GTF3C2: variants seen among roughly 807,000 people sequenced by gnomAD.
GTF3C2 encodes the protein general transcription factor 3C polypeptide 2.
A neutral mutation model predicts 117.4 loss-of-function variants in GTF3C2; 17 were observed. That is an observed-to-expected ratio of 0.14 (90% CI 0.10 to 0.22). The LOEUF is 0.22. GTF3C2 is among the 10% of genes least tolerant of loss of function. The probability of loss-of-function intolerance (pLI) is 1.00; values close to 1 mark genes in which losing one functional copy is unlikely to be tolerated. For synonymous variants in GTF3C2, 437 were observed against 427.0 expected, an observed-to-expected ratio of 1.02 and a Z score of -0.29; for missense variants, 888 against 1,143.6, an observed-to-expected ratio of 0.78 and a Z score of 3.22.
chr2:27,330,459 C>T (rs992854039), intron 12 of GTF3C2, among the ~76,000 whole-genome samples: 4 of 150,334 alleles, frequency 2.7e-5, no homozygotes, highest in African/African-American at 9.8e-5. Flanking sequence ...GAGACTCCAC[C>T]TCAAAAAAAA....
intron 1 of GTF3C2, among the ~76,000 whole-genome samples, chr2:27,353,152 T>G (rs191165450): frequency 6.6e-6 from 1 of 152,276 alleles, no homozygotes; most frequent in South Asian, 2.1e-4. Flanking sequence ...CTCAGCACTT[T>G]GGGAGACTGA....
intron 1 of GTF3C2, among the ~76,000 whole-genome samples, chr2:27,348,479 A>C (rs1680998614): frequency 6.6e-6 from 1 of 152,112 alleles, no homozygotes; most frequent in South Asian, 2.1e-4. Context: ...GTATCATAAC[A>C]ATAAACACAT....
intron 1 of GTF3C2, among the ~76,000 whole-genome samples, chr2:27,353,461 CAG>C (rs1681210613): frequency 6.6e-6 from 1 of 151,424 alleles, no homozygotes; most frequent in Admixed American, 6.6e-5. Flanking sequence ...TTTTTTGAGA[CAG>C]AGTCACGCTC....
chr2:27,338,002 G>C (rs765860083), exon 5 of GTF3C2: 2 of 1,609,238 alleles, frequency 1.2e-6, no homozygotes, highest in Non-Finnish European at 1.7e-6. Flanking sequence ...GCCATTCCTC[G>C]GCAGTGTGGT....
intron 1 of GTF3C2, among the ~76,000 whole-genome samples, chr2:27,353,415 A>G (rs1681208346): frequency 6.7e-6 from 1 of 149,584 alleles, no homozygotes; most frequent in Admixed American, 6.7e-5. Context: ...ACAACCATCT[A>G]TGGTTCAACT....
intron 11 of GTF3C2, 67 bp downstream of exon 11, chr2:27,333,907 G>A: frequency 6.9e-7 from 1 of 1,452,228 alleles, no homozygotes; most frequent in South Asian, 1.1e-5. Context: ...GAGACTCACT[G>A]TGGAATCAGC....
intron 1 of GTF3C2, among the ~76,000 whole-genome samples, chr2:27,355,123 G>A (rs959163630): frequency 2.0e-5 from 3 of 152,176 alleles, no homozygotes; most frequent in African/African-American, 7.2e-5. Flanking sequence ...TCTGATAGGT[G>A]AAAGAATTCT....
exon 10 of GTF3C2, chr2:27,335,671 C>T (rs1386333115): frequency 2.6e-6 from 4 of 1,562,614 alleles, no homozygotes; most frequent in Non-Finnish European, 3.5e-6. Context: ...CTGAGCAGGC[C>T]AGAGCCAAGA....
intron 1 of GTF3C2, chr2:27,350,603 C>T: frequency 1.6e-6 from 1 of 620,134 alleles, no homozygotes. Flanking sequence ...AGTTCAAGAT[C>T]AGCCTGGGCA....
intron 7 of GTF3C2, among the ~76,000 whole-genome samples, chr2:27,337,043 T>C (rs1295939366): frequency 6.6e-6 from 1 of 152,094 alleles, no homozygotes; most frequent in Non-Finnish European, 1.5e-5. Context: ...CCCCTAAATC[T>C]CTCTAGCTTC....
At chr2:27,356,443 G>A (rs1681387145) in intron 1 of GTF3C2, 2 of 249,990 alleles carry the variant, frequency 8.0e-6, no homozygotes, top group Non-Finnish European at 1.7e-5. Context: ...CGAGTTCGAG[G>A]GACGCTACGT....
rs542115870 is a variant in GTF3C2, at chr2:27,341,026, G to GTGTTT, written c.855+917_855+921dup. ...TACAGTTTGTGTACAACTGAATTGT[G>GTGTTT]TGTTTTGTTTTGTTTTGTTTTGTTT... is the stretch of plus-strand genomic sequence containing the variant. On this transcript the variant is annotated intron_variant, in intron 4 of 18. Transcript: ENST00000264720. 1.1e-3 allele frequency among the ~76,000 whole-genome samples: 170 copies of GTGTTT among 151,976 alleles called. 1 individual carries two copies. The highest frequency in any genetic ancestry group is 3.3e-3 in the African/African-American group (136 of 41,438).
exon 19 of GTF3C2, chr2:27,326,545 G>A: frequency 1.5e-6 from 1 of 675,092 alleles, no homozygotes; most frequent in Non-Finnish European, 2.6e-6. Flanking sequence ...GGAGTCCTGG[G>A]GAGGCAGGCC....
chr2:27,346,502 C>T (rs1442759630), intron 1 of GTF3C2, among the ~76,000 whole-genome samples: 1 of 150,108 alleles, frequency 6.7e-6, no homozygotes, highest in Non-Finnish European at 1.5e-5. Context: ...CAGGCATGCA[C>T]CACCATGCCT....
At chr2:27,326,721 C>T (rs374655370) in exon 19 of GTF3C2, 23 of 1,613,890 alleles carry the variant, frequency 1.4e-5, no homozygotes, top group East Asian at 6.7e-5. Context: ...GAAGCCAGGC[C>T]GTCTAGTGGG....
Position 27,328,609 on chromosome 2 carries a change from G to A in GTF3C2, c.2128-13C>T, listed in dbSNP as rs1572562308. The A allele has an allele frequency of 1.2e-6, 2 of 1,604,564 alleles. No homozygotes were observed. Among genetic ancestry groups the A allele is most frequent in the East Asian group, 2.2e-5 (1 of 44,826 alleles). On this transcript the variant is annotated splice_polypyrimidine_tract_variant and intron_variant, in intron 15 of 18. Coordinates refer to ENST00000264720, the Ensembl canonical transcript of GTF3C2. ...ATCCTGAAAGACTCTAATAGAAAGA[G>A]ACAGATTTCATTCATTCATATATTC...
exon 19 of GTF3C2, chr2:27,326,081 C>T (rs893169835): frequency 1.0e-5 from 4 of 395,730 alleles, no homozygotes; most frequent in East Asian, 7.4e-5. Flanking sequence ...GGGAATACTT[C>T]GTAAGCAGGA....
intron 5 of GTF3C2, 25 bp from the exon 6 acceptor site, chr2:27,337,583 T>G (rs1381605593): frequency 2.1e-5 from 31 of 1,494,420 alleles, no homozygotes; most frequent in Non-Finnish European, 2.6e-5. Flanking sequence ...GAAGCATTAA[T>G]GAAGGAGAGG....
intron 1 of GTF3C2, among the ~76,000 whole-genome samples, chr2:27,350,864 G>A (rs894213682): frequency 3.3e-5 from 5 of 150,948 alleles, no homozygotes; most frequent in South Asian, 4.2e-4. Flanking sequence ...CAGGAGAATC[G>A]CTTGAATACA....
Sources: allele counts gnomAD v4.1 joint callset (sites outside exome capture counted in the v4.1 genomes callset), GRCh38; gene constraint gnomAD v4.1.1; transcripts MANE v1.5; gene names NCBI Gene and HGNC (gene_info 2026-07-23, HGNC 2026-07-21).